ZNF793: variants seen among roughly 807,000 people sequenced by gnomAD.
ZNF793 encodes the protein zinc finger protein 793.
In ZNF793, 5 loss-of-function variants were observed where a neutral mutation model predicts 12.4. The observed-to-expected ratio is 0.40, with a 90% confidence interval of 0.21 to 0.84. The LOEUF (loss-of-function observed/expected upper bound fraction) is 0.84, where lower values mean the gene tolerates loss of function less well. Among genes scored for constraint, ZNF793 ranks in the 40% least tolerant of loss-of-function variants. The probability of loss-of-function intolerance (pLI) is 0.35; values close to 1 mark genes in which losing one functional copy is unlikely to be tolerated. For missense variants in ZNF793, 456 were observed against 495.0 expected, an observed-to-expected ratio of 0.92 and a Z score of 0.75; for synonymous variants, 162 against 172.4, an observed-to-expected ratio of 0.94 and a Z score of 0.47.
At chr19:37,525,316 T>C (rs1343664710) in intron 5 of ZNF793, among the ~76,000 whole-genome samples, 1 of 151,540 alleles carries the variant, frequency 6.6e-6, no homozygotes, top group Non-Finnish European at 1.5e-5. Context: ...TTTTTTGTAG[T>C]TTTAGTAGAG....
intron 2 of ZNF793, among the ~76,000 whole-genome samples, chr19:37,517,553 A>T (rs138162065): frequency 6.6e-6 from 1 of 152,144 alleles, no homozygotes; most frequent in African/African-American, 2.4e-5. Flanking sequence ...AGAAGTTATA[A>T]ACCCAAGCGC....
Position 37,537,249 on chromosome 19 carries a change from C to CA in ZNF793, c.592dup (p.Thr198AsnfsTer9). On this transcript the variant is annotated frameshift_variant, in exon 8 of 8. Coordinates refer to ENST00000627814, the MANE Select transcript of ZNF793 (RefSeq NM_001013659.3). LOFTEE classifies it low-confidence loss of function (END_TRUNC). ...GTTGCAGTCACTGTGAGAAAGCTTT[C>CA]ACCCAGAACCCGGCACTTATGTATA... 2 of 1,613,890 alleles carry CA rather than the reference C, an allele frequency of 1.2e-6. No individual in the cohort carries two copies. The highest frequency in any genetic ancestry group is 1.7e-6 in the Non-Finnish European group (2 of 1,179,880).
intron 2 of ZNF793, among the ~76,000 whole-genome samples, chr19:37,515,065 T>C (rs2042320593): frequency 6.6e-6 from 1 of 152,198 alleles, no homozygotes; most frequent in Non-Finnish European, 1.5e-5. Context: ...CCCATTCAAG[T>C]GAACACCCTT....
At chr19:37,531,569 T>C (rs555277745) in intron 5 of ZNF793, among the ~76,000 whole-genome samples, 11 of 152,186 alleles carry the variant, frequency 7.2e-5, no homozygotes, top group Non-Finnish European at 2.9e-5. Flanking sequence ...CCGGCCTTTG[T>C]TCCCACTGCT....
chr19:37,514,242 A>G (rs975634116), intron 2 of ZNF793, among the ~76,000 whole-genome samples: 1 of 152,230 alleles, frequency 6.6e-6, no homozygotes, highest in African/African-American at 2.4e-5. Context: ...AACGATTAAA[A>G]TACTTGAAAA....
chr19:37,536,218 G>A (rs559202202), intron 7 of ZNF793: 2 of 381,006 alleles, frequency 5.2e-6, no homozygotes, highest in South Asian at 2.9e-4. Flanking sequence ...CGTTTATATT[G>A]TAACTAACTA....
chr19:37,535,542 T>C lies in ZNF793; in HGVS notation c.239-1355T>C, dbSNP rs559343415. On this transcript the variant is annotated intron_variant, in intron 7 of 7. Coordinates refer to ENST00000627814, the MANE Select transcript of ZNF793 (RefSeq NM_001013659.3). The stretch of plus-strand genomic sequence containing the variant: ...TTATCAAAAAAAAATTTTTTTTTTT[T>C]TAGATGGAGTTTCACTCTGTCGCCC... 2.6e-5 allele frequency: 4 copies of C among 152,218 alleles called. No individual in the cohort carries two copies. In the South Asian group the frequency reaches 8.3e-4, roughly 32 times the overall value. The allele number at this position is 152,218 out of a possible 1,614,324, so 9.4% of individuals were successfully genotyped here.
chr19:37,513,774 C>A (rs1410370077), intron 2 of ZNF793, among the ~76,000 whole-genome samples: 1 of 152,116 alleles, frequency 6.6e-6, no homozygotes, highest in Non-Finnish European at 1.5e-5. Flanking sequence ...GACAGTGAAT[C>A]ATATTATGTA....
chr19:37,512,795 G>C (rs1393484855), intron 2 of ZNF793, among the ~76,000 whole-genome samples: 2 of 152,082 alleles, frequency 1.3e-5, no homozygotes, highest in Non-Finnish European at 2.9e-5. Context: ...ACTTTATTTA[G>C]ATTTCTCCAC....
intron 2 of ZNF793, among the ~76,000 whole-genome samples, chr19:37,510,540 T>C (rs1271060464): frequency 6.7e-6 from 1 of 148,184 alleles, no homozygotes; most frequent in Non-Finnish European, 1.5e-5. Flanking sequence ...AAAAATTAGC[T>C]GGGTGTGGTG....
chr19:37,524,773 T>C (rs1287298144), intron 5 of ZNF793, among the ~76,000 whole-genome samples: 1 of 152,212 alleles, frequency 6.6e-6, no homozygotes, highest in East Asian at 1.9e-4. Flanking sequence ...ATGGGGTGAT[T>C]TGTAGGTGTA....
In ZNF793 at chr19:37,539,061, C is replaced by A. The variant is rs893751534; in HGVS notation, c.*1182C>A. ...AAATGGCTATAGAGGTTGTTACTGT[C>A]CTCTGCAGAAATAATAAAGCAGTGT... On this transcript the variant is annotated 3_prime_UTR_variant, in exon 8 of 8. Coordinates refer to ENST00000627814, the MANE Select transcript of ZNF793 (RefSeq NM_001013659.3). The A allele has an allele frequency of 2.6e-5, 4 of 152,112 alleles. No individual in the cohort carries two copies. Among genetic ancestry groups the A allele is most frequent in the African/African-American group, 4.8e-5 (2 of 41,404 alleles). 9.4% of individuals were successfully genotyped at this position (152,112 alleles called of 1,614,324 possible).
At chr19:37,530,864 T>G (rs1289010732) in intron 5 of ZNF793, among the ~76,000 whole-genome samples, 2 of 152,206 alleles carry the variant, frequency 1.3e-5, no homozygotes, top group Non-Finnish European at 2.9e-5. Context: ...TTTCTGTTTA[T>G]CCCGTCTACT....
At position 37,536,928 on chromosome 19, in the gene ZNF793, A is replaced by G. The variant is rs2042509347; in HGVS notation, c.270A>G (p.Lys90=). Residue 90 remains lysine, a synonymous_variant, in exon 8 of 8, where the codon AAA becomes AAG. Coordinates refer to ENST00000627814, the MANE Select transcript of ZNF793 (RefSeq NM_001013659.3). ...TCTGGCGAGTTAATATCCAGAGGAA[A>G]AGACGGCAAGACATGCTTTTGAGGC... is the stretch of plus-strand genomic sequence containing the variant. ...EDIWRVNIQR[K]RRQDMLLRPG... 1 of 1,611,916 alleles carries G rather than the reference A, an allele frequency of 6.2e-7. No individual in the cohort carries two copies. The highest frequency in any genetic ancestry group is 8.5e-7 in the Non-Finnish European group (1 of 1,179,364).
intron 7 of ZNF793, 130 bp downstream of exon 7, chr19:37,533,533 C>A: frequency 1.4e-6 from 1 of 705,536 alleles, no homozygotes; most frequent in Middle Eastern, 2.5e-4. Flanking sequence ...ACTCTTCAAC[C>A]TCCATGCAAC....
chr19:37,526,431 G>C (rs1410110630), intron 5 of ZNF793, among the ~76,000 whole-genome samples: 1 of 152,120 alleles, frequency 6.6e-6, no homozygotes, highest in East Asian at 1.9e-4. Flanking sequence ...AGTGATTGCT[G>C]CCTCTTCATT....
intron 2 of ZNF793, among the ~76,000 whole-genome samples, chr19:37,514,234 C>A (rs942932412): frequency 6.6e-6 from 1 of 152,006 alleles, no homozygotes; most frequent in African/African-American, 2.4e-5. Context: ...TAGCTATGAA[C>A]GATTAAAATA....
intron 5 of ZNF793, 60 bp from the exon 6 acceptor site, chr19:37,532,296 G>C: frequency 2.6e-6 from 4 of 1,561,628 alleles, no homozygotes; most frequent in Non-Finnish European, 3.5e-6. Flanking sequence ...GAGCCACCAT[G>C]CCTGGCCCTG....
chr19:37,536,488 G>A (rs1205152437), intron 7 of ZNF793: 7 of 403,868 alleles, frequency 1.7e-5, no homozygotes, highest in East Asian at 7.1e-5. Context: ...GTGGCCTACC[G>A]ATTGGCCACC....
Sources: gnomAD v4.1 joint callset for allele counts (sites outside exome capture counted in the v4.1 genomes callset) on GRCh38, gnomAD v4.1.1 for gene constraint, MANE v1.5 for transcripts, NCBI Gene and HGNC (gene_info 2026-07-23, HGNC 2026-07-21) for gene names.